The following DRC7 variants were observed in gnomAD, a reference collection of about 807,000 sequenced individuals.
The protein encoded by DRC7 is coiled-coil domain containing 135.
A neutral mutation model predicts 104.4 loss-of-function variants in DRC7; 80 were observed. The observed-to-expected ratio is 0.77, with a 90% confidence interval of 0.64 to 0.92. The LOEUF is 0.92. Among genes scored for constraint, DRC7 ranks in the 40% least tolerant of loss-of-function variants. DRC7 has a pLI of 0.00. For missense variants in DRC7, 1,034 were observed against 1,141.1 expected (o/e 0.91, Z 1.35); for synonymous variants, 405 against 447.3 (o/e 0.91, Z 1.19).
At chr16:57,729,481 GATGA>G (rs2049021681) in intron 17 of DRC7, among the ~76,000 whole-genome samples, 1 of 137,432 alleles carries the variant, frequency 7.3e-6, no homozygotes, top group Non-Finnish European at 1.6e-5. Flanking sequence ...TGGGTGGATG[GATGA>G]GTGGGTGGGT....
At chr16:57,706,007 ACCATCCTCCCATCCAT>A (rs2048719083) in intron 7 of DRC7, among the ~76,000 whole-genome samples, 1 of 45,844 alleles carries the variant, frequency 2.2e-5, no homozygotes, top group Non-Finnish European at 4.6e-5. Context: ...CCATCCTCCC[ACCATCCTCCCATCCAT>A]CCATCCTCCC....
Position 57,731,369 on chromosome 16 carries a change from C to A in DRC7, c.*111C>A. The A allele has an allele frequency of 1.3e-6, 1 of 772,290 alleles. No individual in the cohort carries two copies. The highest frequency in any genetic ancestry group is 2.1e-6 in the Non-Finnish European group (1 of 468,244). 47.8% of individuals were successfully genotyped at this position (772,290 alleles called of 1,614,324 possible). A position where few individuals can be genotyped will look rare whatever the true frequency, so the allele number is the denominator to read the frequency against. On this transcript the variant is annotated 3_prime_UTR_variant, in exon 19 of 19. Transcript: ENST00000360716. ...AATGCCTGTTTACACAGACACCTGG[C>A]CTCACTGCCAGCCCACCTCCCCTAC...
chr16:57,708,966 TA>T (rs35533108), intron 8 of DRC7, among the ~76,000 whole-genome samples: 2,531 of 151,930 alleles, frequency 0.017, 67 homozygotes, highest in African/African-American at 0.056. Context: ...CCGTCTCTAC[TA>T]AAAATACAAA....
At chr16:57,729,693 G>T (rs2049028848) in intron 17 of DRC7, among the ~76,000 whole-genome samples, 1 of 120,112 alleles carries the variant, frequency 8.3e-6, no homozygotes, top group Admixed American at 7.9e-5. Context: ...GTGGATGGAT[G>T]GATGGATGGA....
intron 7 of DRC7, 103 bp downstream of exon 7, chr16:57,705,137 C>A: frequency 7.8e-7 from 1 of 1,275,348 alleles, no homozygotes; most frequent in South Asian, 1.5e-5. Flanking sequence ...GTATGGACCC[C>A]CCAACTAGGT....
At position 57,728,534 on chromosome 16, in the gene DRC7, A is replaced by C. The variant is rs1302703404; in HGVS notation, c.2341A>C (p.Lys781Gln). The C allele has an allele frequency of 6.2e-7, 1 of 1,610,974 alleles. No homozygotes were observed. The highest frequency in any genetic ancestry group is 1.3e-5 in the African/African-American group (1 of 74,848). ...CAAGGATGAGTGCCTCAGCGACTTC[A>C]AGCAGCGGCTCATCAACAAGGCCAA... ...RLKDECLSDF[K>Q]QRLINKANLI... Residue 781 changes from lysine to glutamine, a missense_variant, in exon 17 of 19, where the codon AAG (lysine) becomes CAG (glutamine). By Grantham distance (53) the Lys-to-Gln change is moderately conservative (BLOSUM62 1). Coordinates refer to ENST00000360716, the MANE Select transcript of DRC7 (RefSeq NM_001289162.2).
At chr16:57,706,140 C>A (rs573583975) in intron 7 of DRC7, among the ~76,000 whole-genome samples, 1 of 146,680 alleles carries the variant, frequency 6.8e-6, no homozygotes, top group African/African-American at 2.5e-5. Flanking sequence ...ATTCTCCCAT[C>A]TTCCCATCCA....
Position 57,718,387 on chromosome 16 carries a change from A to T in DRC7, c.1118A>T (p.Tyr373Phe), listed in dbSNP as rs1406442545. 10 of 1,614,050 alleles carry T rather than the reference A, an allele frequency of 6.2e-6. No homozygotes were observed. Among genetic ancestry groups the T allele is most frequent in the Non-Finnish European group, 8.5e-6 (10 of 1,180,018 alleles). The change falls in exon 9 of 19, where the codon TAC becomes TTC. Residue 373 changes from tyrosine (Y) to phenylalanine (F), a missense_variant. Transcript: ENST00000360716. ...CTGGGTGACCCTGTGAGATGGGAGT[A>T]CATGCTCCTGGGGACTGATAAGTCT... is the stretch of plus-strand genomic sequence containing the variant. ...FDLGDPVRWEYMLLGTDKSQL... is the reference protein window; with the variant it reads ...FDLGDPVRWEFMLLGTDKSQL...
intron 3 of DRC7, 43 bp downstream of exon 3, chr16:57,698,195 G>T: frequency 1.2e-6 from 2 of 1,612,178 alleles, no homozygotes; most frequent in African/African-American, 1.3e-5. Flanking sequence ...GTAGACCGGG[G>T]CTGGGCACAG....
At chr16:57,707,729 T>G in intron 8 of DRC7, 51 bp downstream of exon 8, 1 of 1,538,104 alleles carries the variant, frequency 6.5e-7, no homozygotes, top group Non-Finnish European at 8.9e-7. Context: ...GTGCAGGTGA[T>G]AGGAATAGAG....
intron 8 of DRC7, among the ~76,000 whole-genome samples, chr16:57,717,707 A>G (rs1261672458): frequency 6.6e-6 from 1 of 151,794 alleles, no homozygotes; most frequent in Non-Finnish European, 1.5e-5. Context: ...TCAAAAAAAA[A>G]AAAGAAAAGA....
chr16:57,697,532 C>T (rs1345507737), intron 2 of DRC7, among the ~76,000 whole-genome samples: 1 of 151,950 alleles, frequency 6.6e-6, no homozygotes, highest in African/African-American at 2.4e-5. Flanking sequence ...CGTGCTGCTG[C>T]ACTCCAAGCC....
At chr16:57,702,648 A>G (rs1263409612) in intron 6 of DRC7, among the ~76,000 whole-genome samples, 1 of 152,056 alleles carries the variant, frequency 6.6e-6, no homozygotes, top group Admixed American at 6.5e-5. Flanking sequence ...AAAATACAAA[A>G]AAATTAGCCA....
chr16:57,701,849 C>T (rs1413897397), intron 5 of DRC7, 87 bp from the exon 6 acceptor site: 2 of 1,231,996 alleles, frequency 1.6e-6, no homozygotes, highest in East Asian at 4.7e-5. Context: ...TGGCTCCCCA[C>T]CCTGACAGGT....
chr16:57,716,798 T>C (rs2048848344), intron 8 of DRC7, among the ~76,000 whole-genome samples: 1 of 152,114 alleles, frequency 6.6e-6, no homozygotes, highest in Non-Finnish European at 1.5e-5. Context: ...TGATTTCCTC[T>C]GGAACATGAT....
At chr16:57,726,331 G>A (rs1239171878) in intron 14 of DRC7, 48 bp downstream of exon 14, 13 of 1,511,956 alleles carry the variant, frequency 8.6e-6, no homozygotes, top group South Asian at 5.7e-5. Context: ...AGGAGGAACC[G>A]GGGCTCTCTG....
Position 57,707,517 on chromosome 16 carries a change from C to T in DRC7, c.916C>T (p.Leu306Phe). The change falls in exon 8 of 19, where the codon CTT becomes TTT. Residue 306 changes from leucine (L) to phenylalanine (F), a missense_variant. By Grantham distance (22) the Leu-to-Phe change is conservative. Transcript: ENST00000360716. ...CGGCCTGCGGGTGCACTCCTGGGTC[C>T]TTGTGCTATCGGGGAAGCGCGAGGT... is the stretch of plus-strand genomic sequence containing the variant. ...LHGLRVHSWV[L>F]VLSGKREVPE... 1.2e-6 allele frequency: 2 copies of T among 1,613,486 alleles called. No homozygotes were observed. The highest frequency in any genetic ancestry group is 1.1e-5 in the South Asian group (1 of 91,082).
In DRC7 at chr16:57,707,450, T is replaced by C. The variant is rs1036198772; in HGVS notation, c.859-10T>C. The C allele has an allele frequency of 1.2e-6, 2 of 1,608,372 alleles. No homozygotes were observed. Among genetic ancestry groups the C allele is most frequent in the Non-Finnish European group, 1.7e-6 (2 of 1,177,042 alleles). ...CATCTGACTCGTAGTCACCCACCTT[T>C]CCTTGGCAGGAAGCGGAGAAGGCAA... On this transcript the variant is annotated splice_polypyrimidine_tract_variant and intron_variant, in intron 7 of 18. Coordinates refer to ENST00000360716, the MANE Select transcript of DRC7 (RefSeq NM_001289162.2).
chr16:57,697,531 G>C (rs1476385681), intron 2 of DRC7, among the ~76,000 whole-genome samples: 1 of 151,806 alleles, frequency 6.6e-6, no homozygotes. Context: ...TCGTGCTGCT[G>C]CACTCCAAGC....
Sources: allele counts gnomAD v4.1 joint callset (sites outside exome capture counted in the v4.1 genomes callset), GRCh38; gene constraint gnomAD v4.1.1; transcripts MANE v1.5; gene names NCBI Gene and HGNC (gene_info 2026-07-23, HGNC 2026-07-21).